TTC29: variants seen among roughly 807,000 people sequenced by gnomAD.
TTC29 encodes tetratricopeptide repeat domain 29.
A neutral mutation model predicts 58.1 loss-of-function variants in TTC29; 49 were observed. The observed-to-expected ratio is 0.84, with a 90% CI of 0.67 to 1.07. The LOEUF (loss-of-function observed/expected upper bound fraction) is 1.07, where lower values mean the gene tolerates loss of function less well. Among genes scored for constraint, TTC29 ranks in the 50% least tolerant of loss-of-function variants. TTC29 has a pLI of 0.00. For synonymous variants in TTC29, 209 were observed against 196.8 expected, an observed-to-expected ratio of 1.06 and a Z score of -0.52; for missense variants, 582 against 555.6, an observed-to-expected ratio of 1.05 and a Z score of -0.48.
chr4:146,835,748 T>C (rs908143804), intron 8 of TTC29, among the ~76,000 whole-genome samples: 17 of 152,182 alleles, frequency 1.1e-4, no homozygotes, highest in African/African-American at 3.9e-4. Flanking sequence ...CTCATGACCC[T>C]GATCTCCATG....
intron 4 of TTC29, among the ~76,000 whole-genome samples, chr4:146,921,141 G>T (rs1003739576): frequency 1.3e-5 from 2 of 151,420 alleles, no homozygotes; most frequent in Non-Finnish European, 3.0e-5. Context: ...GAAGCCAGGA[G>T]TTTTCACAGA....
At chr4:146,880,676 T>TA (rs1413585468) in intron 6 of TTC29, among the ~76,000 whole-genome samples, 1 of 152,234 alleles carries the variant, frequency 6.6e-6, no homozygotes, top group East Asian at 1.9e-4. Context: ...AGCTTTTTTT[T>TA]AAAGTAGGAA....
rs192879120 is a variant in TTC29, at chr4:146,917,801, T to C, written c.177-8552A>G. On this transcript the variant is annotated intron_variant, in intron 4 of 12. Transcript: ENST00000325106. ...ACATTTTAGCTTCATTCCAAAGAGA[T>C]TGTCTAATGCAATATATTAATTTAT... 3.0e-3 allele frequency among the ~76,000 whole-genome samples: 439 copies of C among 148,686 alleles called. 2 individuals carry two copies. Among genetic ancestry groups the C allele is most frequent in the African/African-American group, 0.01 (413 of 41,122 alleles).
At chr4:146,755,816 G>A (rs1383994099) in intron 11 of TTC29, among the ~76,000 whole-genome samples, 1 of 151,936 alleles carries the variant, frequency 6.6e-6, no homozygotes, top group African/African-American at 2.4e-5. Context: ...GTTGCACAAA[G>A]TATGACCCAA....
chr4:146,854,531 G>C (rs1249657950), intron 8 of TTC29, among the ~76,000 whole-genome samples: 1 of 152,060 alleles, frequency 6.6e-6, no homozygotes, highest in Non-Finnish European at 1.5e-5. Flanking sequence ...CCCCTCAATT[G>C]TTCTTAATAA....
intron 4 of TTC29, among the ~76,000 whole-genome samples, chr4:146,931,227 T>C (rs541141006): frequency 2.6e-5 from 4 of 152,136 alleles, no homozygotes; most frequent in African/African-American, 9.6e-5. Context: ...TTGAAATATA[T>C]GTTATTTAAA....
At chr4:146,928,438 C>A (rs115482217) in intron 4 of TTC29, among the ~76,000 whole-genome samples, 111 of 152,200 alleles carry the variant, frequency 7.3e-4, no homozygotes, top group African/African-American at 2.6e-3. Context: ...TTAGTCATTA[C>A]TATTATTTTT....
intron 8 of TTC29, among the ~76,000 whole-genome samples, chr4:146,859,953 G>A (rs982825974): frequency 1.3e-5 from 2 of 152,112 alleles, no homozygotes; most frequent in Non-Finnish European, 2.9e-5. Context: ...ATCATACAAA[G>A]ACTGAGCCAT....
At chr4:146,748,610 G>A (rs930714364) in intron 11 of TTC29, among the ~76,000 whole-genome samples, 1 of 152,162 alleles carries the variant, frequency 6.6e-6, no homozygotes, top group Admixed American at 6.5e-5. Context: ...CTCAACCAAT[G>A]AGGCACCTGC....
intron 4 of TTC29, among the ~76,000 whole-genome samples, chr4:146,935,874 A>G (rs1367607985): frequency 6.6e-6 from 1 of 152,234 alleles, no homozygotes; most frequent in Non-Finnish European, 1.5e-5. Flanking sequence ...CAGACTATGC[A>G]TAATTCTTCA....
At chr4:146,841,356 A>G (rs1162173620) in intron 8 of TTC29, among the ~76,000 whole-genome samples, 1 of 152,100 alleles carries the variant, frequency 6.6e-6, no homozygotes, top group African/African-American at 2.4e-5. Flanking sequence ...GCACAGCTCA[A>G]ACTACTATGA....
chr4:146,868,687 T>C (rs571091997), intron 7 of TTC29, among the ~76,000 whole-genome samples: 1 of 152,314 alleles, frequency 6.6e-6, no homozygotes, highest in East Asian at 1.9e-4. Context: ...AATGTAACAT[T>C]GGCTTCCAAT....
intron 6 of TTC29, among the ~76,000 whole-genome samples, chr4:146,892,685 G>A (rs1307473355): frequency 6.6e-6 from 1 of 152,132 alleles, no homozygotes; most frequent in Non-Finnish European, 1.5e-5. Context: ...TCTGGCCAGG[G>A]CAATCAGGCA....
chr4:146,792,072 G>A (rs1175432976), intron 11 of TTC29, among the ~76,000 whole-genome samples: 2 of 152,204 alleles, frequency 1.3e-5, no homozygotes, highest in Non-Finnish European at 2.9e-5. Flanking sequence ...TGGAGAAGCT[G>A]CAGCAAGTTA....
chr4:146,896,584 G>C (rs1052390125), intron 6 of TTC29, among the ~76,000 whole-genome samples: 25 of 152,042 alleles, frequency 1.6e-4, no homozygotes, highest in African/African-American at 6.0e-4. Context: ...AGAATTTTAG[G>C]GTGTGTGAGG....
intron 7 of TTC29, among the ~76,000 whole-genome samples, chr4:146,870,883 C>T (rs746665514): frequency 7.9e-5 from 12 of 151,944 alleles, no homozygotes; most frequent in Non-Finnish European, 1.8e-4. Flanking sequence ...TAGCCAGGCT[C>T]AGATGATTTC....
At chr4:146,890,069 T>C (rs1003693234) in intron 6 of TTC29, among the ~76,000 whole-genome samples, 19 of 152,088 alleles carry the variant, frequency 1.2e-4, no homozygotes, top group South Asian at 4.1e-4. Flanking sequence ...AGGAAAAACA[T>C]TGACACCACA....
intron 6 of TTC29, among the ~76,000 whole-genome samples, chr4:146,882,711 T>C (rs1301863187): frequency 1.3e-5 from 2 of 152,110 alleles, no homozygotes; most frequent in Admixed American, 6.6e-5. Context: ...TGCGGAAGCA[T>C]CTATGCCGAA....
At chr4:146,839,699 C>T (rs903647388) in intron 8 of TTC29, among the ~76,000 whole-genome samples, 1 of 151,532 alleles carries the variant, frequency 6.6e-6, no homozygotes, top group Non-Finnish European at 1.5e-5. Flanking sequence ...TTGTTTGCTC[C>T]TTAAAAAAGA....
Sources: allele counts gnomAD v4.1 joint callset (sites outside exome capture counted in the v4.1 genomes callset), GRCh38; gene constraint gnomAD v4.1.1; transcripts MANE v1.5; gene names NCBI Gene and HGNC (gene_info 2026-07-23, HGNC 2026-07-21).